The following RALYL variants were observed in gnomAD, a reference collection of about 807,000 sequenced individuals.
The protein encoded by RALYL is RALY RNA binding protein like, also known as RNA-binding Raly-like protein.
In RALYL, 29 loss-of-function variants were observed where a neutral mutation model predicts 35.1. That is an observed-to-expected ratio of 0.83 (90% CI 0.61 to 1.13). The LOEUF is 1.13. RALYL is among the 50% of genes most tolerant of loss of function. The pLI, the probability that RALYL is intolerant of heterozygous loss-of-function variation, is 0.00. For missense variants in RALYL, 359 were observed against 360.4 expected, an observed-to-expected ratio of 1.00 and a Z score of 0.03; for synonymous variants, 120 against 127.6, an observed-to-expected ratio of 0.94 and a Z score of 0.40.
chr8:84,654,310 T>TATATATATATAC (rs1554766145), intron 2 of RALYL, among the ~76,000 whole-genome samples: 5 of 134,724 alleles, frequency 3.7e-5, no homozygotes, highest in South Asian at 2.4e-4. Context: ...TATATATATA[T>TATATATATATAC]ATATCATGTA....
At chr8:84,461,326 A>G (rs1263501142) in intron 1 of RALYL, among the ~76,000 whole-genome samples, 2 of 151,674 alleles carry the variant, frequency 1.3e-5, no homozygotes, top group Non-Finnish European at 3.0e-5. Context: ...AATAAAATGC[A>G]TTCACTCATC....
At chr8:84,375,592 C>A (rs1382925271) in intron 1 of RALYL, among the ~76,000 whole-genome samples, 1 of 151,654 alleles carries the variant, frequency 6.6e-6, no homozygotes, top group Admixed American at 6.6e-5. Flanking sequence ...TTATTTGATC[C>A]CATTTGTAAG....
At chr8:84,226,493 G>A (rs778382333) in intron 1 of RALYL, among the ~76,000 whole-genome samples, 3 of 152,218 alleles carry the variant, frequency 2.0e-5, no homozygotes, top group South Asian at 2.1e-4. Context: ...CGCAACTTCC[G>A]CCTCCTGGAT....
intron 1 of RALYL, among the ~76,000 whole-genome samples, chr8:84,357,660 A>G (rs937885993): frequency 1.3e-5 from 2 of 151,338 alleles, no homozygotes; most frequent in African/African-American, 4.8e-5. Context: ...ATCATTTTAG[A>G]CTGTTTCCTT....
At chr8:84,463,189 C>A (rs1237557042) in intron 1 of RALYL, among the ~76,000 whole-genome samples, 1 of 151,874 alleles carries the variant, frequency 6.6e-6, no homozygotes, top group Admixed American at 6.6e-5. Flanking sequence ...GGTGTAATTT[C>A]ACTTGTCTAT....
chr8:84,803,204 A>C (rs1216517842), intron 3 of RALYL, among the ~76,000 whole-genome samples: 2 of 152,188 alleles, frequency 1.3e-5, no homozygotes, highest in Non-Finnish European at 2.9e-5. Flanking sequence ...GGATCCCATT[A>C]ATGCCCACAT....
chr8:84,670,158 C>T (rs1037705420), intron 2 of RALYL, among the ~76,000 whole-genome samples: 1 of 151,342 alleles, frequency 6.6e-6, no homozygotes, highest in African/African-American at 2.4e-5. Flanking sequence ...ACCTCTTGCA[C>T]TAATTTCCCA....
intron 2 of RALYL, among the ~76,000 whole-genome samples, chr8:84,552,400 A>C (rs922271355): frequency 1.6e-5 from 2 of 122,556 alleles, no homozygotes; most frequent in African/African-American, 6.2e-5. Context: ...GAAAGCAGAG[A>C]CAGCAAAGGT....
At chr8:84,468,304 G>A (rs2052057398) in intron 1 of RALYL, among the ~76,000 whole-genome samples, 1 of 152,016 alleles carries the variant, frequency 6.6e-6, no homozygotes, top group African/African-American at 2.4e-5. Context: ...TCCATGTTTA[G>A]TGCTTCTTTC....
At chr8:84,778,650 A>T (rs1817404561) in intron 3 of RALYL, among the ~76,000 whole-genome samples, 1 of 152,194 alleles carries the variant, frequency 6.6e-6, no homozygotes. Context: ...AGGAGCTAGG[A>T]TAGTCTACCT....
At chr8:84,251,025 A>C (rs1193134981) in intron 1 of RALYL, among the ~76,000 whole-genome samples, 1 of 152,130 alleles carries the variant, frequency 6.6e-6, no homozygotes, top group Non-Finnish European at 1.5e-5. Context: ...AAATTCGAAA[A>C]GGAGTAATGG....
intron 2 of RALYL, among the ~76,000 whole-genome samples, chr8:84,754,258 A>G (rs1281013646): frequency 6.6e-6 from 1 of 152,154 alleles, no homozygotes; most frequent in Non-Finnish European, 1.5e-5. Flanking sequence ...TAATAATAAA[A>G]AAAAAAAATG....
At chr8:84,211,982 G>A (rs1289794035) in intron 1 of RALYL, among the ~76,000 whole-genome samples, 1 of 152,084 alleles carries the variant, frequency 6.6e-6, no homozygotes, top group Non-Finnish European at 1.5e-5. Flanking sequence ...AGAAATTGAG[G>A]CATAAGGAAG....
chr8:84,649,183 T>A (rs1198224035), intron 2 of RALYL, among the ~76,000 whole-genome samples: 3 of 152,092 alleles, frequency 2.0e-5, no homozygotes, highest in African/African-American at 7.2e-5. Flanking sequence ...ACCATGTTAA[T>A]CTTTAACTTT....
chr8:84,259,563 A>G lies in RALYL; in HGVS notation c.-24+75139A>G, dbSNP rs193082508. 1.5e-3 allele frequency among the ~76,000 whole-genome samples: 235 copies of G among 152,302 alleles called. 1 individual carries two copies. Among genetic ancestry groups the G allele is most frequent in the African/African-American group, 5.4e-3 (224 of 41,578 alleles). On this transcript the variant is annotated intron_variant, in intron 1 of 8. Transcript: ENST00000521268. ...ACAATCTTCCTCATGGCAGTTTAGT[A>G]ATTTTTTTAGATGAACTATCTGAAA...
At chr8:84,393,996 A>T (rs1861264613) in intron 1 of RALYL, among the ~76,000 whole-genome samples, 1 of 151,996 alleles carries the variant, frequency 6.6e-6, no homozygotes, top group Admixed American at 6.6e-5. Flanking sequence ...ACCAACTTGG[A>T]ACTTATTAAT....
At chr8:84,207,874 A>T (rs1202039027) in intron 1 of RALYL, among the ~76,000 whole-genome samples, 1 of 151,628 alleles carries the variant, frequency 6.6e-6, no homozygotes, top group East Asian at 1.9e-4. Flanking sequence ...CATGTATACA[A>T]TTTTTATGTG....
intron 2 of RALYL, among the ~76,000 whole-genome samples, chr8:84,720,005 C>T (rs770492678): frequency 3.3e-5 from 5 of 152,104 alleles, no homozygotes; most frequent in African/African-American, 4.8e-5. Context: ...TTTATATAAA[C>T]GATATCATAT....
chr8:84,920,675 A>C (rs1225760849), intron 8 of RALYL, among the ~76,000 whole-genome samples: 1 of 152,040 alleles, frequency 6.6e-6, no homozygotes, highest in Non-Finnish European at 1.5e-5. Context: ...AGCTGGATTA[A>C]AAAAAATCGT....
Sources: gnomAD v4.1 joint callset for allele counts (sites outside exome capture counted in the v4.1 genomes callset) on GRCh38, gnomAD v4.1.1 for gene constraint, MANE v1.5 for transcripts, NCBI Gene and HGNC (gene_info 2026-07-23, HGNC 2026-07-21) for gene names.